CES2: variants seen among roughly 807,000 people sequenced by gnomAD.
CES2 encodes cocaine esterase.
Under a neutral mutation model 52.1 loss-of-function variants are expected in CES2, and 42 were observed. The observed-to-expected ratio is 0.81, with a 90% CI of 0.63 to 1.04. CES2 has a LOEUF of 1.04. Among genes scored for constraint, CES2 ranks in the 50% least tolerant of loss-of-function variants. The pLI is 0.00. For missense variants in CES2, 656 were observed against 724.3 expected, an observed-to-expected ratio of 0.91 and a Z score of 1.08; for synonymous variants, 277 against 289.6, an observed-to-expected ratio of 0.96 and a Z score of 0.44.
intron 6 of CES2, 138 bp downstream of exon 6, chr16:66,941,360 G>A (rs986496355): frequency 1.6e-5 from 24 of 1,514,214 alleles, no homozygotes; most frequent in Non-Finnish European, 2.0e-5. Flanking sequence ...CGGGACTGAA[G>A]GTCGGTGCAT....
intron 2 of CES2, among the ~76,000 whole-genome samples, chr16:66,938,540 C>T (rs1201447709): frequency 1.3e-5 from 2 of 152,210 alleles, no homozygotes; most frequent in South Asian, 4.1e-4. Flanking sequence ...CTTTCTCTGC[C>T]ACCAGTGGCA....
chr16:66,938,258 G>T lies in CES2; in HGVS notation c.281+17G>T, dbSNP rs2145501244. On this transcript the variant is annotated intron_variant, in intron 2 of 11. Transcript: ENST00000317091. ...TCCGGCCATGTAAGCTCTCCAAGGG[G>T]TCCAGGGAACTCCAGGCCCTGGGGC... 1.3e-6 allele frequency: 2 copies of T among 1,596,684 alleles called. No homozygotes were observed. The highest frequency in any genetic ancestry group is 2.2e-5 in the South Asian group (2 of 90,740).
chr16:66,936,159 G>C (rs1157717354), intron 1 of CES2, among the ~76,000 whole-genome samples: 1 of 152,138 alleles, frequency 6.6e-6, no homozygotes, highest in African/African-American at 2.4e-5. Context: ...CCCTCCAAAG[G>C]GGCCTCAGAC....
In CES2 at chr16:66,943,758, C is replaced by A; in HGVS notation, c.1494-81C>A. 8.1e-7 allele frequency: 1 copy of A among 1,240,030 alleles called. No homozygotes were observed. Among genetic ancestry groups the A allele is most frequent in the Non-Finnish European group, 1.1e-6 (1 of 892,528 alleles). 76.8% of individuals were successfully genotyped at this position (1,240,030 alleles called of 1,614,324 possible). A position where few individuals can be genotyped will look rare whatever the true frequency, so the allele number is the denominator to read the frequency against. On this transcript the variant is annotated intron_variant, in intron 11 of 11. Coordinates refer to ENST00000317091, the MANE Select transcript of CES2 (RefSeq NM_001365405.1). This position sits in a 1 kb window ranked among gnomAD's most constrained non-coding sequence, Gnocchi z 4.2. ...TGGCCTGCTTGGCTGCCTTGCCTGA[C>A]CAGACTCAGGGTGCTCAGGTCTGGG...
At chr16:66,942,359 G>A (rs1275874561) in intron 9 of CES2, 110 bp downstream of exon 9, 1 of 1,170,604 alleles carries the variant, frequency 8.5e-7, no homozygotes. Context: ...TGGGCTCCGG[G>A]GACACTTGAC....
At chr16:66,941,397 G>A (rs1363752009) in intron 6 of CES2, 109 bp from the exon 7 acceptor site, 5 of 1,530,388 alleles carry the variant, frequency 3.3e-6, no homozygotes, top group Non-Finnish European at 4.4e-6. Flanking sequence ...ATCTCCTGGG[G>A]TGGGTATGAG....
intron 1 of CES2, among the ~76,000 whole-genome samples, chr16:66,937,688 G>A (rs1963246082): frequency 6.6e-6 from 1 of 152,256 alleles, no homozygotes; most frequent in African/African-American, 2.4e-5. Flanking sequence ...CATCCCTGAG[G>A]ACAAGAAACT....
chr16:66,937,993 C>T (rs1274332616), intron 1 of CES2, 44 bp from the exon 2 acceptor site: 4 of 1,534,550 alleles, frequency 2.6e-6, no homozygotes, highest in East Asian at 2.3e-5. Flanking sequence ...GGAGGGCAGT[C>T]GATTGGTCAA....
In CES2 at chr16:66,936,106, G is replaced by C. The variant is rs952039750; in HGVS notation, c.76+395G>C. On this transcript the variant is annotated intron_variant, in intron 1 of 11. Transcript: ENST00000317091. Reference sequence around the variant, plus strand: ...CAGTAATAGCTTCTGGCAGCATCTGGCTCTCAGTGTGTGGCGTCCTTGGCC... The same window carrying C: ...CAGTAATAGCTTCTGGCAGCATCTGCCTCTCAGTGTGTGGCGTCCTTGGCC... 3 of 884,770 alleles carry C rather than the reference G, an allele frequency of 3.4e-6. No homozygotes were observed. The African/African-American group carries it at 5.2e-5, about 15-fold the overall frequency. The allele number at this position is 884,770 out of a possible 1,614,324, so 54.8% of individuals were successfully genotyped here.
At position 66,940,185 on chromosome 16, in the gene CES2, G is replaced by C. The variant is rs1254901434; in HGVS notation, c.424-37G>C. On this transcript the variant is annotated intron_variant, in intron 3 of 11. Transcript: ENST00000317091. ...AGTGGCCCTGGTGGGGTTTGGGCTG[G>C]GTGGGAGCATCATGGTAGCTGCCTT... The C allele has an allele frequency of 1.9e-6, 3 of 1,609,730 alleles. No homozygotes were observed. The East Asian group carries it at 6.7e-5, about 36-fold the overall frequency.
chr16:66,935,842 G>A (rs781075718), intron 1 of CES2, 131 bp downstream of exon 1: 2 of 1,554,002 alleles, frequency 1.3e-6, no homozygotes, highest in Non-Finnish European at 1.7e-6. Context: ...CGTGGAACTC[G>A]TGAGCCCCAC....
chr16:66,940,632 C>G lies in CES2; in HGVS notation c.753C>G (p.Ile251Met), dbSNP rs142398307. 4 of 1,614,142 alleles carry G rather than the reference C, an allele frequency of 2.5e-6. No homozygotes were observed. In the African/African-American group the frequency reaches 5.3e-5, roughly 22 times the overall value. ...PISQGLFHGA[I>M]MESGVALLPG... Reference sequence around the variant, plus strand: ...CCCAAGGACTCTTCCACGGAGCCATCATGGAGAGTGGCGTGGCCCTCCTGC... The same window carrying G: ...CCCAAGGACTCTTCCACGGAGCCATGATGGAGAGTGGCGTGGCCCTCCTGC... Residue 251 changes from isoleucine to methionine, a missense_variant, in exon 5 of 12, where the codon ATC becomes ATG. By Grantham distance (10) the Ile-to-Met change is conservative. Coordinates refer to ENST00000317091, the MANE Select transcript of CES2 (RefSeq NM_001365405.1).
rs1478798509 is a variant in CES2, at chr16:66,943,751, T to TG, written c.1494-87dup. 1 of 1,156,484 alleles carries TG rather than the reference T, an allele frequency of 8.6e-7. No individual in the cohort carries two copies. The highest frequency in any genetic ancestry group is 1.2e-6 in the Non-Finnish European group (1 of 817,288). The allele number at this position is 1,156,484 out of a possible 1,614,324, so 71.6% of individuals were successfully genotyped here. A position where few individuals can be genotyped will look rare whatever the true frequency, so the allele number is the denominator to read the frequency against. ...GCCCACCTGGCCTGCTTGGCTGCCT[T>TG]GCCTGACCAGACTCAGGGTGCTCAG... On this transcript the variant is annotated intron_variant, in intron 11 of 11. Transcript: ENST00000317091. The surrounding 1 kb of genome is among the most constrained non-coding windows in gnomAD (Gnocchi z 4.2).
intron 3 of CES2, among the ~76,000 whole-genome samples, chr16:66,939,924 C>A (rs1383799348): frequency 6.6e-6 from 1 of 152,278 alleles, no homozygotes; most frequent in South Asian, 2.1e-4. Flanking sequence ...AGGCTAAGGA[C>A]ATTTTTGGTT....
Position 66,943,968 on chromosome 16 carries a change from G to T in CES2, c.1623G>T (p.Ala541=). The change falls in exon 12 of 12, where the codon GCG becomes GCT. Residue 541 remains alanine (A), a synonymous_variant. Coordinates refer to ENST00000317091, the MANE Select transcript of CES2 (RefSeq NM_001365405.1). The surrounding 1 kb of genome is among the most constrained non-coding windows in gnomAD (Gnocchi z 4.2). The part of the protein sequence containing the change: ...KAHRLQFWKK[A]LPQKIQELEE... ...ACAGGCTCCAGTTCTGGAAGAAGGC[G>T]CTGCCCCAAAAGATCCAGGAGCTCG... is the stretch of plus-strand genomic sequence containing the variant. 1 of 1,600,780 alleles carries T rather than the reference G, an allele frequency of 6.2e-7. No individual in the cohort carries two copies. Among genetic ancestry groups the T allele is most frequent in the Middle Eastern group, 1.7e-4 (1 of 5,964 alleles).
Position 66,944,024 on chromosome 16 carries a change from A to C in CES2, c.1679A>C (p.Ter560SerextTer12). The C allele has an allele frequency of 6.9e-7, 1 of 1,440,068 alleles. No individual in the cohort carries two copies. The highest frequency in any genetic ancestry group is 9.5e-7 in the Non-Finnish European group (1 of 1,053,890). 89.2% of individuals were successfully genotyped at this position (1,440,068 alleles called of 1,614,324 possible). A position where few individuals can be genotyped will look rare whatever the true frequency, so the allele number is the denominator to read the frequency against. ...CCTGAAGAGAGACACACAGAGCTGTAGCTCCCTGTGCCGGGGAGGAGGGGG... is the reference window on the plus strand; with the variant it reads ...CCTGAAGAGAGACACACAGAGCTGTCGCTCCCTGTGCCGGGGAGGAGGGGG... ...EEPEERHTEL[*>S] Residue 560 changes from the stop codon to serine, a stop_lost, in exon 12 of 12, where the codon TAG (stop) becomes TCG (serine). Coordinates refer to ENST00000317091, the MANE Select transcript of CES2 (RefSeq NM_001365405.1).
chr16:66,934,487 G>A (rs572516144), upstream of CES2: 7 of 1,380,854 alleles, frequency 5.1e-6, no homozygotes, highest in South Asian at 3.0e-5. The surrounding 1 kb of genome is among the most constrained non-coding windows in gnomAD (Gnocchi z 4.1). Flanking sequence ...CCGCGTTGTG[G>A]GTTCTCGGCC....
upstream of CES2, chr16:66,934,768 G>C (rs1597001702): frequency 5.3e-6 from 1 of 189,976 alleles, no homozygotes; most frequent in East Asian, 1.5e-4. This position sits in a 1 kb window ranked among gnomAD's most constrained non-coding sequence, Gnocchi z 4.1. Context: ...AGGGATCCTA[G>C]TGTCTCGGGA....
rs527661452 is a variant in CES2, at chr16:66,939,793, G to A, written c.424-429G>A. Among the ~76,000 whole-genome samples the A allele has an allele frequency of 5.6e-4, 86 of 152,330 alleles. 1 individual carries two copies. Among genetic ancestry groups the A allele is most frequent in the African/African-American group, 2.0e-3 (82 of 41,572 alleles). On this transcript the variant is annotated intron_variant, in intron 3 of 11. Coordinates refer to ENST00000317091, the MANE Select transcript of CES2 (RefSeq NM_001365405.1). ...CATGAACATACCTCTCTGTAACCTC[G>A]AAATCCGGGATGATCCTCTCAGATT... is the stretch of plus-strand genomic sequence containing the variant.
Sources: gnomAD v4.1 joint callset for allele counts (sites outside exome capture counted in the v4.1 genomes callset) on GRCh38, gnomAD v4.1.1 for gene constraint, Gnocchi (gnomAD v3.1) non-coding constraint, MANE v1.5 for transcripts, NCBI Gene and HGNC (gene_info 2026-07-23, HGNC 2026-07-21) for gene names.